DAO: variants seen among roughly 807,000 people sequenced by gnomAD.
The protein encoded by DAO is D-amino acid oxidase, also known as D-amino-acid oxidase.
Under a neutral mutation model 50.1 loss-of-function variants are expected in DAO, and 51 were observed. That is an observed-to-expected ratio of 1.02 (90% CI 0.81 to 1.29). The LOEUF (loss-of-function observed/expected upper bound fraction) is 1.29, where lower values mean the gene tolerates loss of function less well. Ranked by LOEUF, DAO falls within the 50% of genes most tolerant of loss-of-function variation. The probability of loss-of-function intolerance (pLI) is 0.00; values close to 1 mark genes in which losing one functional copy is unlikely to be tolerated. For missense variants in DAO, 436 were observed against 439.4 expected, an observed-to-expected ratio of 0.99 and a Z score of 0.07; for synonymous variants, 160 against 166.2, an observed-to-expected ratio of 0.96 and a Z score of 0.29.
At chr12:108,888,033 G>A (rs2039453495) in intron 3 of DAO, among the ~76,000 whole-genome samples, 1 of 152,214 alleles carries the variant, frequency 6.6e-6, no homozygotes, top group Non-Finnish European at 1.5e-5. Flanking sequence ...CGGGAGGTAA[G>A]GGCTGTCCTT....
chr12:108,881,532 T>C (rs1451620793), intron 1 of DAO, among the ~76,000 whole-genome samples: 2 of 151,202 alleles, frequency 1.3e-5, no homozygotes, highest in Non-Finnish European at 2.9e-5. Context: ...CAGTGTCAAC[T>C]TTGACTCATA....
At position 108,899,466 on chromosome 12, in the gene DAO, A is replaced by G. The variant is rs1170441609; in HGVS notation, c.903A>G (p.Ser301=). The G allele has an allele frequency of 1.9e-6, 3 of 1,613,314 alleles. No individual in the cohort carries two copies. In the African/African-American group the frequency reaches 4.0e-5, roughly 22 times the overall value. The part of the protein sequence containing the change: ...LEREQLRTGP[S]NTEVIHNYGH... Reference sequence around the variant, plus strand: ...GAGAACAGCTTCGCACTGGACCTTCAAACACAGAGGTATGCTCCCATGGCA... The same window carrying G: ...GAGAACAGCTTCGCACTGGACCTTCGAACACAGAGGTATGCTCCCATGGCA... Residue 301 remains serine (S), a synonymous_variant, in exon 10 of 11, where the codon TCA becomes TCG. Transcript: ENST00000228476.
At chr12:108,893,086 C>A (rs757056685) in intron 6 of DAO, 50 bp downstream of exon 6, 8 of 1,538,614 alleles carry the variant, frequency 5.2e-6, no homozygotes, top group South Asian at 1.1e-5. Flanking sequence ...AGAGGGGAGG[C>A]CTCTGCTTCT....
chr12:108,885,816 G>A (rs765255304), intron 2 of DAO, among the ~76,000 whole-genome samples: 7 of 152,244 alleles, frequency 4.6e-5, no homozygotes, highest in South Asian at 4.1e-4. Flanking sequence ...GTGCAATGGC[G>A]TGATCCTGGC....
At chr12:108,892,907 T>A in intron 5 of DAO, 75 bp from the exon 6 acceptor site, 10 of 1,378,404 alleles carry the variant, frequency 7.3e-6, no homozygotes, top group Non-Finnish European at 9.3e-6. Context: ...TTGGGAAAGG[T>A]CCCTGTGCCA....
chr12:108,883,229 C>T (rs534531670), intron 1 of DAO, among the ~76,000 whole-genome samples: 1 of 152,292 alleles, frequency 6.6e-6, no homozygotes, highest in South Asian at 2.1e-4. Flanking sequence ...TCGCTGCAAC[C>T]TCTGCTGCCC....
At chr12:108,890,322 T>G (rs1327436047) in intron 5 of DAO, 49 bp downstream of exon 5, 11 of 1,445,738 alleles carry the variant, frequency 7.6e-6, no homozygotes, top group Non-Finnish European at 1.1e-5. Context: ...AGAGACCAAG[T>G]TGTAGTGGAA....
At chr12:108,895,710 G>A (rs1223335352) in intron 7 of DAO, among the ~76,000 whole-genome samples, 4 of 138,982 alleles carry the variant, frequency 2.9e-5, no homozygotes, top group African/African-American at 8.0e-5. Flanking sequence ...GTGTGTGAGG[G>A]GTATATGTGT....
Position 108,887,516 on chromosome 12 carries a change from G to A in DAO, c.261G>A (p.Leu87=). 1 of 1,614,082 alleles carries A rather than the reference G, an allele frequency of 6.2e-7. No homozygotes were observed. Among genetic ancestry groups the A allele is most frequent in the South Asian group, 1.1e-5 (1 of 91,076 alleles). ...TCCATTCTCCCAACGCTGAAAACCT[G>A]GGCCTGTTCCTAATCTCGGGCTACA... ...SHVHSPNAEN[L]GLFLISGYNL... Residue 87 remains leucine, a synonymous_variant, in exon 3 of 11, where the codon CTG becomes CTA. Transcript: ENST00000228476.
intron 7 of DAO, among the ~76,000 whole-genome samples, chr12:108,894,882 AT>A (rs984320472): frequency 1.3e-5 from 2 of 151,832 alleles, no homozygotes; most frequent in Non-Finnish European, 2.9e-5. Context: ...TGCTCAGCCA[AT>A]TTTTTTATTT....
Position 108,898,706 on chromosome 12 carries a change from C to T in DAO, c.723C>T (p.Ile241=), listed in dbSNP as rs149956241. The T allele has an allele frequency of 1.5e-3, 2,447 of 1,613,294 alleles. 9 individuals are homozygous for T. The highest frequency in any genetic ancestry group is 1.9e-3 in the Non-Finnish European group (2,243 of 1,179,286). ...PGTQTVTLGG[I]FQLGNWSELN... ...CCCAGACAGTTACTCTTGGAGGCATCTTCCAGTTGGGAAACTGGAGTGAAC... is the reference window on the plus strand; with the variant it reads ...CCCAGACAGTTACTCTTGGAGGCATTTTCCAGTTGGGAAACTGGAGTGAAC... The change falls in exon 9 of 11, where the codon ATC becomes ATT. Residue 241 remains isoleucine, a synonymous_variant. Coordinates refer to ENST00000228476, the MANE Select transcript of DAO (RefSeq NM_001917.5).
In DAO at chr12:108,890,202, C is replaced by G; in HGVS notation, c.387-6C>G. On this transcript the variant is annotated splice_region_variant and splice_polypyrimidine_tract_variant and intron_variant, in intron 4 of 10. Transcript: ENST00000228476. ...TATTTCCACCTTTTGCTTACTGTGACTCTAGCTATGGCTGGTTCCACACAA... is the reference window on the plus strand; with the variant it reads ...TATTTCCACCTTTTGCTTACTGTGAGTCTAGCTATGGCTGGTTCCACACAA... 6.2e-7 allele frequency: 1 copy of G among 1,611,316 alleles called. No homozygotes were observed. Among genetic ancestry groups the G allele is most frequent in the Admixed American group, 1.7e-5 (1 of 59,992 alleles).
At position 108,880,587 on chromosome 12, in the gene DAO, C is replaced by G. The variant is rs569086947; in HGVS notation, c.-10+363C>G. 2.6e-5 allele frequency among the ~76,000 whole-genome samples: 4 copies of G among 152,184 alleles called. No individual in the cohort carries two copies. The East Asian group carries it at 7.7e-4, about 29-fold the overall frequency. ...GTGGGGGAGTTGGTAGGCTGGTTCT[C>G]AAACTTTTATAGCTTCTGTTCCATT... On this transcript the variant is annotated intron_variant, in intron 1 of 10. Transcript: ENST00000228476.
intron 3 of DAO, among the ~76,000 whole-genome samples, chr12:108,889,174 C>T (rs759579689): frequency 2.0e-5 from 3 of 151,244 alleles, no homozygotes; most frequent in Non-Finnish European, 4.4e-5. Flanking sequence ...GGCACAATTT[C>T]GGCTTACTGC....
In DAO at chr12:108,898,125, T is replaced by C. The variant is rs149199622; in HGVS notation, c.696-554T>C. Among the ~76,000 whole-genome samples the C allele has an allele frequency of 2.3e-3, 346 of 152,106 alleles. 4 individuals are homozygous for C. Among genetic ancestry groups the C allele is most frequent in the African/African-American group, 7.6e-3 (314 of 41,486 alleles). On this transcript the variant is annotated intron_variant, in intron 8 of 10. Transcript: ENST00000228476. The stretch of plus-strand genomic sequence containing the variant: ...AATGGTGGTATTAGGGATAATATTG[T>C]ATTGATGGGGAAGACAGCGTTCATG...
At chr12:108,898,381 G>T in intron 8 of DAO, 1 of 409,166 alleles carries the variant, frequency 2.4e-6, no homozygotes, top group Non-Finnish European at 4.7e-6. Flanking sequence ...GATGTTACTG[G>T]TGTCGTGGAG....
At chr12:108,896,123 T>G (rs181775931) in intron 7 of DAO, among the ~76,000 whole-genome samples, 27 of 152,072 alleles carry the variant, frequency 1.8e-4, no homozygotes, top group African/African-American at 6.3e-4. Flanking sequence ...ATCTACATTT[T>G]ACATAAGATG....
intron 1 of DAO, among the ~76,000 whole-genome samples, chr12:108,881,197 C>CACACACACAA (rs1491204980): frequency 7.6e-6 from 1 of 131,838 alleles, no homozygotes; most frequent in Non-Finnish European, 1.7e-5. Flanking sequence ...CACACACACA[C>CACACACACAA]AAATATAATA....
In DAO at chr12:108,890,310, C is replaced by A. The variant is rs3741774; in HGVS notation, c.452+37C>A. On this transcript the variant is annotated intron_variant, in intron 5 of 10. Transcript: ENST00000228476. ...AGCTTCACTTTGAGGGAGGTACCTCCCAGAGACCAAGTTGTAGTGGAAGAT... is the reference window on the plus strand; with the variant it reads ...AGCTTCACTTTGAGGGAGGTACCTCACAGAGACCAAGTTGTAGTGGAAGAT... The A allele has an allele frequency of 5.3e-4, 809 of 1,534,426 alleles. 16 individuals carry two copies. The East Asian group carries it at 0.013, about 25-fold the overall frequency.
Sources: gnomAD v4.1 joint callset for allele counts (sites outside exome capture counted in the v4.1 genomes callset) on GRCh38, gnomAD v4.1.1 for gene constraint, MANE v1.5 for transcripts, NCBI Gene and HGNC (gene_info 2026-07-23, HGNC 2026-07-21) for gene names.